ADCY8: variants seen among roughly 807,000 people sequenced by gnomAD.
ADCY8 encodes adenylate cyclase type 8.
In ADCY8, 51 loss-of-function variants were observed where a neutral mutation model predicts 119.7. The ratio of observed to expected loss-of-function variants is 0.43; its 90% CI spans 0.34 to 0.54. ADCY8 has a LOEUF of 0.54. Among genes scored for constraint, ADCY8 ranks in the 20% least tolerant of loss-of-function variants. ADCY8 has a pLI of 0.03. For synonymous variants in ADCY8, 665 were observed against 651.0 expected (o/e 1.02, Z -0.33); for missense variants, 1,383 against 1,598.8 (o/e 0.87, Z 2.30).
At chr8:130,987,451 T>C (rs1209013591) in intron 2 of ADCY8, among the ~76,000 whole-genome samples, 3 of 152,112 alleles carry the variant, frequency 2.0e-5, no homozygotes, top group Non-Finnish European at 2.9e-5. Context: ...ATAAAGAAAT[T>C]AATTCACGGT....
At chr8:130,940,112 CT>C (rs1820912690) in intron 4 of ADCY8, among the ~76,000 whole-genome samples, 1 of 152,194 alleles carries the variant, frequency 6.6e-6, no homozygotes, top group Non-Finnish European at 1.5e-5. Context: ...TGCATTACAC[CT>C]ATCTCAGTCT....
intron 1 of ADCY8, among the ~76,000 whole-genome samples, chr8:131,010,972 C>T (rs1206801355): frequency 1.3e-5 from 2 of 152,120 alleles, no homozygotes; most frequent in Admixed American, 6.5e-5. Flanking sequence ...AGCAGTGATT[C>T]CAAGGAAGTT....
chr8:130,822,547 C>CATGA (rs1216698819), intron 12 of ADCY8, among the ~76,000 whole-genome samples: 3 of 87,694 alleles, frequency 3.4e-5, no homozygotes, highest in African/African-American at 9.8e-5. Flanking sequence ...TCCATCCATC[C>CATGA]ATCCATCCAT....
At chr8:130,830,485 G>C (rs1052576149) in intron 12 of ADCY8, among the ~76,000 whole-genome samples, 1 of 152,108 alleles carries the variant, frequency 6.6e-6, no homozygotes, top group South Asian at 2.1e-4. Flanking sequence ...TGATGCATCT[G>C]TCCCTGATCA....
intron 16 of ADCY8, among the ~76,000 whole-genome samples, chr8:130,784,209 T>C (rs1412240325): frequency 1.3e-5 from 2 of 151,762 alleles, no homozygotes; most frequent in Admixed American, 1.3e-4. Context: ...TATGGGTATA[T>C]GTGTGGGTAT....
At chr8:130,974,407 A>G (rs989698918) in intron 2 of ADCY8, among the ~76,000 whole-genome samples, 4 of 152,384 alleles carry the variant, frequency 2.6e-5, no homozygotes, top group Non-Finnish European at 2.9e-5. Context: ...TCTTCCAAGC[A>G]CAGCCAGTGC....
chr8:130,800,367 C>A (rs538552828), intron 15 of ADCY8, 59 bp downstream of exon 15: 526 of 1,578,588 alleles, frequency 3.3e-4, no homozygotes, highest in Non-Finnish European at 4.2e-4. Context: ...CAATGAATAA[C>A]ACAACGCTTT....
chr8:130,932,578 G>T (rs756489180), intron 5 of ADCY8, among the ~76,000 whole-genome samples: 3 of 152,130 alleles, frequency 2.0e-5, no homozygotes, highest in Non-Finnish European at 4.4e-5. Flanking sequence ...AATTTGTCCT[G>T]CCTACTCCAT....
intron 9 of ADCY8, among the ~76,000 whole-genome samples, chr8:130,858,669 A>C (rs1237908205): frequency 6.6e-6 from 1 of 152,192 alleles, no homozygotes; most frequent in East Asian, 1.9e-4. Flanking sequence ...GGGGAATTAA[A>C]TTCCTCCTCA....
At chr8:130,990,773 G>A (rs1168080428) in intron 1 of ADCY8, 3 of 414,084 alleles carry the variant, frequency 7.2e-6, no homozygotes, top group South Asian at 4.1e-5. Context: ...TTCTCCCCAG[G>A]TTTAGACTGG....
At chr8:131,021,486 C>G (rs566561873) in intron 1 of ADCY8, among the ~76,000 whole-genome samples, 1 of 152,148 alleles carries the variant, frequency 6.6e-6, no homozygotes, top group Non-Finnish European at 1.5e-5. Context: ...GGGCACATTA[C>G]CTCCCAAAAT....
Position 131,039,885 on chromosome 8 carries a change from C to T in ADCY8, c.449G>A (p.Arg150Gln). The stretch of plus-strand genomic sequence containing the variant: ...GCGCAGGGTGGGGAAAATGACCCCT[C>T]GGTAGCTATAGCCCCCATTAAGAAA... ...DFFLNGGYSY[R>Q]GVIFPTLRNS... The change falls in exon 1 of 18, where the codon CGA (arginine) becomes CAA (glutamine). Residue 150 changes from arginine (R) to glutamine (Q), a missense_variant. This residue lies in a region of ADCY8 where 455 missense variants were observed against 435.3 expected (regional missense o/e 1.05). Transcript: ENST00000286355. 1 of 1,613,924 alleles carries T rather than the reference C, an allele frequency of 6.2e-7. No individual in the cohort carries two copies. Among genetic ancestry groups the T allele is most frequent in the Non-Finnish European group, 8.5e-7 (1 of 1,179,882 alleles).
chr8:130,811,655 G>A (rs1586437300), intron 14 of ADCY8, among the ~76,000 whole-genome samples: 1 of 152,172 alleles, frequency 6.6e-6, no homozygotes. Context: ...CCTCAGCAAG[G>A]GAGCCCACTA....
At chr8:130,972,914 C>G (rs188028651) in intron 2 of ADCY8, among the ~76,000 whole-genome samples, 1 of 151,182 alleles carries the variant, frequency 6.6e-6, no homozygotes, top group Non-Finnish European at 1.5e-5. Context: ...AAAATGGGAA[C>G]GATAATTAGC....
intron 5 of ADCY8, among the ~76,000 whole-genome samples, chr8:130,919,236 A>C (rs1238382763): frequency 6.6e-6 from 1 of 152,198 alleles, no homozygotes; most frequent in Non-Finnish European, 1.5e-5. Context: ...TAACAGTTAC[A>C]GGCTCATGTG....
chr8:131,014,446 C>T (rs1823406061), intron 1 of ADCY8, among the ~76,000 whole-genome samples: 1 of 152,120 alleles, frequency 6.6e-6, no homozygotes, highest in Non-Finnish European at 1.5e-5. Flanking sequence ...CCATCCTGTT[C>T]ACAATTTTTA....
At chr8:130,807,448 C>T (rs1305630955) in intron 14 of ADCY8, among the ~76,000 whole-genome samples, 2 of 152,174 alleles carry the variant, frequency 1.3e-5, no homozygotes, top group Admixed American at 1.3e-4. Context: ...GAGGTGAGGG[C>T]TTTAGGAGGT....
intron 10 of ADCY8, among the ~76,000 whole-genome samples, chr8:130,847,758 A>G (rs1817379486): frequency 6.6e-6 from 1 of 152,096 alleles, no homozygotes; most frequent in African/African-American, 2.4e-5. Context: ...TCATGAAACT[A>G]AGTTTAGACT....
intron 4 of ADCY8, among the ~76,000 whole-genome samples, chr8:130,938,995 G>T (rs1025703097): frequency 2.4e-4 from 36 of 152,144 alleles, no homozygotes; most frequent in Admixed American, 6.5e-5. Flanking sequence ...AACTTAGAAA[G>T]TTTCTTGTTC....
Sources: allele counts gnomAD v4.1 joint callset (sites outside exome capture counted in the v4.1 genomes callset), GRCh38; gene constraint gnomAD v4.1.1; regional missense constraint gnomAD v4.1.1; transcripts MANE v1.5; gene names NCBI Gene and HGNC (gene_info 2026-07-23, HGNC 2026-07-21).